The following DHCR24 variants were observed in gnomAD, a reference collection of about 807,000 sequenced individuals.
The protein encoded by DHCR24 is delta(24)-sterol reductase.
DHCR24 carries 28 observed loss-of-function variants against 61.2 expected under a neutral mutation model. The observed-to-expected ratio is 0.46, with a 90% CI of 0.34 to 0.63. DHCR24 has a LOEUF of 0.63. Ranked by LOEUF, DHCR24 falls within the 20% of genes least tolerant of loss-of-function variation. The pLI is 0.01. For synonymous variants in DHCR24, 261 were observed against 275.9 expected, an observed-to-expected ratio of 0.95 and a Z score of 0.54; for missense variants, 538 against 679.1, an observed-to-expected ratio of 0.79 and a Z score of 2.31.
At chr1:54,853,667 T>A in intron 7 of DHCR24, 55 bp from the exon 8 acceptor site, 5 of 1,562,676 alleles carry the variant, frequency 3.2e-6, no homozygotes, top group Non-Finnish European at 4.3e-6. Flanking sequence ...GGTGACAGGC[T>A]CATGGCTGGC....
intron 2 of DHCR24, 141 bp from the exon 3 acceptor site, chr1:54,876,188 T>C: frequency 1.4e-6 from 1 of 705,248 alleles, no homozygotes; most frequent in Non-Finnish European, 2.6e-6. Context: ...AGGCTCTTTC[T>C]AGAACATTGC....
At chr1:54,867,388 C>G (rs928014867) in intron 5 of DHCR24, among the ~76,000 whole-genome samples, 25 of 152,148 alleles carry the variant, frequency 1.6e-4, no homozygotes, top group African/African-American at 4.3e-4. Flanking sequence ...CCACTCTGCC[C>G]CAGCCCTGTT....
intron 6 of DHCR24, among the ~76,000 whole-genome samples, chr1:54,858,424 C>T (rs773044941): frequency 3.3e-5 from 5 of 152,238 alleles, no homozygotes; most frequent in Non-Finnish European, 2.9e-5. Flanking sequence ...TCCCACTTCC[C>T]TACTACCACA....
intron 1 of DHCR24, chr1:54,886,603 C>G (rs1647098008): frequency 6.9e-7 from 1 of 1,445,446 alleles, no homozygotes; most frequent in Non-Finnish European, 9.2e-7. Flanking sequence ...AATGCTTGGG[C>G]CGGGTGAGAG....
chr1:54,874,943 A>G, intron 4 of DHCR24, 150 bp downstream of exon 4: 1 of 743,454 alleles, frequency 1.3e-6, no homozygotes. Flanking sequence ...AAGCTCATAT[A>G]AGGGGCTACA....
intron 2 of DHCR24, among the ~76,000 whole-genome samples, chr1:54,879,022 T>C (rs1443704974): frequency 6.6e-6 from 1 of 152,230 alleles, no homozygotes; most frequent in Admixed American, 6.5e-5. Context: ...ACATTAAGAA[T>C]ATATTAAAAA....
chr1:54,857,580 T>C (rs1242267773), intron 6 of DHCR24, among the ~76,000 whole-genome samples: 1 of 152,268 alleles, frequency 6.6e-6, no homozygotes, highest in Non-Finnish European at 1.5e-5. Context: ...AAAGAGTTTA[T>C]GCAGCATTCT....
At chr1:54,854,324 T>C in intron 6 of DHCR24, 90 bp from the exon 7 acceptor site, 1 of 1,196,504 alleles carries the variant, frequency 8.4e-7, no homozygotes, top group Non-Finnish European at 1.2e-6. Context: ...GGTCCCATTC[T>C]GTGCTTGACA....
At chr1:54,853,940 G>C (rs1646892361) in intron 7 of DHCR24, 97 bp downstream of exon 7, 2 of 1,248,168 alleles carry the variant, frequency 1.6e-6, no homozygotes, top group African/African-American at 3.0e-5. Context: ...ACACCCAGAG[G>C]GCAGTGTGCC....
rs950117188 is a variant in DHCR24 at position 54,878,202 on chromosome 1, C to T, written c.388-2155G>A. ...GAGGCTGAAGCCAGGGAAAAAACTG[C>T]CAGAAAAGACAACAGGTAATAGGCT... On this transcript the variant is annotated intron_variant, in intron 2 of 8. Transcript: ENST00000371269. 2.6e-5 allele frequency among the ~76,000 whole-genome samples: 4 copies of T among 151,370 alleles called. No individual in the cohort carries two copies. In the South Asian group the frequency reaches 8.4e-4, roughly 32 times the overall value.
chr1:54,858,730 G>A (rs1646920816), intron 6 of DHCR24, among the ~76,000 whole-genome samples: 1 of 152,118 alleles, frequency 6.6e-6, no homozygotes, highest in South Asian at 2.1e-4. Flanking sequence ...CTCCGCTTCT[G>A]GGTTCAAGTG....
chr1:54,859,245 C>T (rs1646923199), intron 6 of DHCR24, among the ~76,000 whole-genome samples: 1 of 152,024 alleles, frequency 6.6e-6, no homozygotes, highest in Admixed American at 6.6e-5. Context: ...GCAGATCTTC[C>T]AGCCCCAGTC....
rs531375713 is a variant in DHCR24, at chr1:54,852,354, T to G, written c.1430A>C (p.Asn477Thr). 6.2e-6 allele frequency: 10 copies of G among 1,614,088 alleles called. No individual in the cohort carries two copies. Among genetic ancestry groups the G allele is most frequent in the African/African-American group, 1.3e-5 (1 of 75,042 alleles). ...FQMLYADCYMNREEFWEMFDG... is the reference protein window; with the variant it reads ...FQMLYADCYMTREEFWEMFDG... The stretch of plus-strand genomic sequence containing the variant: ...AAACATCTCCCAGAACTCCTCCCGG[T>G]TCATGTAGCAGTCGGCATACAGCAT... The change falls in exon 9 of 9, where the codon AAC becomes ACC. Residue 477 changes from asparagine (N) to threonine (T), a missense_variant. Physicochemically the swap from Asn to Thr is moderately conservative, Grantham distance 65. Coordinates refer to ENST00000371269, the MANE Select transcript of DHCR24 (RefSeq NM_014762.4).
At chr1:54,868,148 T>G (rs1646977513) in intron 5 of DHCR24, among the ~76,000 whole-genome samples, 1 of 152,186 alleles carries the variant, frequency 6.6e-6, no homozygotes, top group Non-Finnish European at 1.5e-5. Context: ...GGGATGCCTA[T>G]CCTTTGATCT....
chr1:54,873,710 C>T (rs1449258589), intron 4 of DHCR24, among the ~76,000 whole-genome samples: 1 of 152,182 alleles, frequency 6.6e-6, no homozygotes, highest in Non-Finnish European at 1.5e-5. Flanking sequence ...AGTGCAGTGG[C>T]GTAATCACGG....
intron 6 of DHCR24, among the ~76,000 whole-genome samples, chr1:54,859,685 T>C (rs1018408432): frequency 2.6e-5 from 4 of 152,186 alleles, no homozygotes; most frequent in Non-Finnish European, 5.9e-5. Context: ...AGCTGGTAGT[T>C]ACTTTGGATA....
At chr1:54,859,952 T>C (rs374182401) in intron 6 of DHCR24, among the ~76,000 whole-genome samples, 12 of 152,226 alleles carry the variant, frequency 7.9e-5, no homozygotes, top group African/African-American at 2.9e-4. Context: ...TCATAGTGGC[T>C]TCTGCTTTTG....
Position 54,852,263 on chromosome 1 carries a change from G to T in DHCR24, c.1521C>A (p.Tyr507Ter), listed in dbSNP as rs1370096384. 6.2e-7 allele frequency: 1 copy of T among 1,614,100 alleles called. No individual in the cohort carries two copies. The highest frequency in any genetic ancestry group is 1.7e-5 in the Admixed American group (1 of 60,004). The change falls in exon 9 of 9, where the codon TAC becomes TAA. Residue 507 changes from tyrosine to a stop codon, truncating the protein, a stop_gained. Transcript: ENST00000371269. LOFTEE classifies it high-confidence loss of function. ...LGCQDAFPEV[Y>*]DKICKAARH ...GCCTGGCGGCCTTGCAGATCTTGTC[G>T]TACACCTCGGGGAAGGCGTCCTGGC... is the stretch of plus-strand genomic sequence containing the variant.
chr1:54,878,872 G>C (rs1471363106), intron 2 of DHCR24, among the ~76,000 whole-genome samples: 1 of 152,020 alleles, frequency 6.6e-6, no homozygotes, highest in Admixed American at 6.6e-5. Context: ...GGCATACAGA[G>C]GCAGAAAAAT....
Sources: gnomAD v4.1 joint callset for allele counts (sites outside exome capture counted in the v4.1 genomes callset) on GRCh38, gnomAD v4.1.1 for gene constraint, MANE v1.5 for transcripts, NCBI Gene and HGNC (gene_info 2026-07-23, HGNC 2026-07-21) for gene names.